The following SLC17A1 variants were observed in gnomAD, a reference collection of about 807,000 sequenced individuals.
SLC17A1 encodes sodium-dependent phosphate transport protein 1.
A neutral mutation model predicts 53.5 loss-of-function variants in SLC17A1; 51 were observed. That is an observed-to-expected ratio of 0.95 (90% CI 0.76 to 1.20). SLC17A1 has a LOEUF of 1.20. Among genes scored for constraint, SLC17A1 ranks in the 50% most tolerant of loss-of-function variants. SLC17A1 has a pLI of 0.00. For synonymous variants in SLC17A1, 179 were observed against 198.8 expected, an observed-to-expected ratio of 0.90 and a Z score of 0.84; for missense variants, 538 against 568.2, an observed-to-expected ratio of 0.95 and a Z score of 0.54.
At chr6:25,775,608 T>C in the SLC17A1 span, among the ~76,000 whole-genome samples, 1 of 151,824 alleles carries the variant, frequency 6.6e-6, no homozygotes, top group Non-Finnish European at 1.5e-5. Flanking sequence ...GCTAATTTTT[T>C]GTGGAGATGA....
the SLC17A1 span, among the ~76,000 whole-genome samples, chr6:25,725,625 G>A: frequency 4.6e-5 from 7 of 152,104 alleles, no homozygotes; most frequent in South Asian, 2.1e-4. Context: ...AGATAGTCTC[G>A]CTCATGTCAC....
chr6:25,778,857 G>A (rs964259822), downstream of SLC17A1, among the ~76,000 whole-genome samples: 11 of 152,170 alleles, frequency 7.2e-5, no homozygotes, highest in African/African-American at 2.7e-4. Flanking sequence ...GAGGAGGAGC[G>A]TTCCAGCCAA....
At chr6:25,779,325 C>T (rs1046285499), downstream of SLC17A1, 2 of 1,250,098 alleles carry the variant, frequency 1.6e-6, no homozygotes, top group African/African-American at 1.5e-5. Context: ...TTTTACCATG[C>T]CTGGAAATTT....
rs192207999 is a variant in SLC17A1 at position 25,826,663 on chromosome 6, C to T, written c.35-30G>A. 86 of 1,498,750 alleles carry T rather than the reference C, an allele frequency of 5.7e-5. 2 individuals are homozygous for T. In the East Asian group the frequency reaches 1.2e-3, roughly 20 times the overall value. 92.8% of individuals were successfully genotyped at this position (1,498,750 alleles called of 1,614,324 possible). ...AAAGTAAAACAGAAAGTCGCAATTG[C>T]TGACAGAGCTGAGATAAAAACATAC... On this transcript the variant is annotated intron_variant, in intron 2 of 12. Coordinates refer to ENST00000244527, the MANE Select transcript of SLC17A1 (RefSeq NM_005074.5).
At chr6:25,736,407 G>C in the SLC17A1 span, among the ~76,000 whole-genome samples, 2 of 151,990 alleles carry the variant, frequency 1.3e-5, no homozygotes, top group East Asian at 1.9e-4. Context: ...TACTCATTTC[G>C]GTGAGATTAA....
chr6:25,726,490 G>A, the SLC17A1 span: 34 of 1,612,434 alleles, frequency 2.1e-5, no homozygotes, highest in Non-Finnish European at 2.5e-5. Flanking sequence ...CTTAGACTTG[G>A]CGCGTGCTTT....
intron 10 of SLC17A1, among the ~76,000 whole-genome samples, chr6:25,804,173 T>C (rs1254297946): frequency 1.3e-5 from 2 of 152,144 alleles, no homozygotes. Flanking sequence ...AACAACAATG[T>C]AGCTTAACTA....
intron 10 of SLC17A1, among the ~76,000 whole-genome samples, chr6:25,807,049 A>G (rs1301234414): frequency 1.3e-5 from 2 of 152,026 alleles, no homozygotes; most frequent in African/African-American, 4.8e-5. Flanking sequence ...TGGATGTGGT[A>G]AAAAGAGATT....
In SLC17A1 at chr6:25,785,867, T is replaced by C. The variant is rs114624033; in HGVS notation, c.*3-2649A>G. On this transcript the variant is annotated intron_variant, in intron 12 of 12. Transcript: ENST00000244527. ...GATATGGAGAATTGGAATTCTACAT[T>C]GCTGGTGAGAATGTAAAATAGTCTG... Among the ~76,000 whole-genome samples, 864 of 152,314 alleles carry C rather than the reference T, an allele frequency of 5.7e-3. 6 individuals are homozygous for C. The highest frequency in any genetic ancestry group is 0.02 in the African/African-American group (835 of 41,562).
the SLC17A1 span, among the ~76,000 whole-genome samples, chr6:25,746,154 C>A: frequency 6.6e-6 from 1 of 152,112 alleles, no homozygotes; most frequent in Non-Finnish European, 1.5e-5. Flanking sequence ...ATCTATATTA[C>A]CTGTCTTATC....
chr6:25,806,779 T>C (rs1181766420), intron 10 of SLC17A1, among the ~76,000 whole-genome samples: 1 of 151,960 alleles, frequency 6.6e-6, no homozygotes, highest in Non-Finnish European at 1.5e-5. Context: ...AAACTATGCA[T>C]TGACAAAGAA....
chr6:25,770,505 C>A, the SLC17A1 span: 2 of 1,595,068 alleles, frequency 1.3e-6, no homozygotes, highest in Non-Finnish European at 1.7e-6. Context: ...TTTACATGCA[C>A]TGTCCAGGAG....
chr6:25,738,645 T>G, the SLC17A1 span, among the ~76,000 whole-genome samples: 1 of 152,110 alleles, frequency 6.6e-6, no homozygotes, highest in Admixed American at 6.5e-5. Context: ...TATGGTAAAA[T>G]ACTTGATCTA....
chr6:25,821,870 T>C (rs1246124872), intron 3 of SLC17A1, among the ~76,000 whole-genome samples: 3 of 152,158 alleles, frequency 2.0e-5, no homozygotes, highest in Non-Finnish European at 2.9e-5. Context: ...GTATGAGTCA[T>C]ATAAATGAAT....
In SLC17A1 at chr6:25,830,537, C is replaced by T. The variant is rs376712057; in HGVS notation, c.21G>A (p.Leu7=). ...ATAAAGTGCTACCTTTTTTGGGAGG[C>T]AACCGGTTATCCATTTGCATACACG... MQMDNR[L]PPKKVPGFCS... The change falls in exon 2 of 13, where the codon TTG becomes TTA. Residue 7 remains leucine (L), a synonymous_variant. Coordinates refer to ENST00000244527, the MANE Select transcript of SLC17A1 (RefSeq NM_005074.5). The T allele has an allele frequency of 2.7e-5, 43 of 1,613,484 alleles. No homozygotes were observed. In the African/African-American group the frequency reaches 4.9e-4, roughly 19 times the overall value.
the SLC17A1 span, chr6:25,768,888 C>A: frequency 2.7e-6 from 3 of 1,107,498 alleles, no homozygotes; most frequent in Non-Finnish European, 4.0e-6. Flanking sequence ...TATATTTCTG[C>A]ATCTCAGACA....
At chr6:25,764,961 G>A in the SLC17A1 span, among the ~76,000 whole-genome samples, 8 of 152,154 alleles carry the variant, frequency 5.3e-5, no homozygotes, top group Non-Finnish European at 1.2e-4. Context: ...CCTTGAATTG[G>A]TGAAAGAATT....
chr6:25,767,990 C>T, the SLC17A1 span, among the ~76,000 whole-genome samples: 44 of 152,254 alleles, frequency 2.9e-4, no homozygotes, highest in African/African-American at 1.0e-3. Context: ...AATTCCACCT[C>T]GGACTGAGTA....
At chr6:25,828,048 T>C (rs909175485) in intron 2 of SLC17A1, among the ~76,000 whole-genome samples, 34 of 152,174 alleles carry the variant, frequency 2.2e-4, no homozygotes, top group African/African-American at 7.7e-4. Context: ...GCACAATTTC[T>C]ATCTGTGGGC....
Sources: allele counts gnomAD v4.1 joint callset (sites outside exome capture counted in the v4.1 genomes callset), GRCh38; gene constraint gnomAD v4.1.1; transcripts MANE v1.5; gene names NCBI Gene and HGNC (gene_info 2026-07-23, HGNC 2026-07-21).